IL17B: variants seen among roughly 807,000 people sequenced by gnomAD.
IL17B encodes interleukin-17B.
Under a neutral mutation model 14.7 loss-of-function variants are expected in IL17B, and 14 were observed. The ratio of observed to expected loss-of-function variants is 0.95; its 90% CI spans 0.63 to 1.49. The LOEUF (loss-of-function observed/expected upper bound fraction) is 1.49, where lower values mean the gene tolerates loss of function less well. IL17B is among the 40% of genes most tolerant of loss of function. The pLI, the probability that IL17B is intolerant of heterozygous loss-of-function variation, is 0.00. For synonymous variants in IL17B, 105 were observed against 94.8 expected, an observed-to-expected ratio of 1.11 and a Z score of -0.62; for missense variants, 233 against 252.8, an observed-to-expected ratio of 0.92 and a Z score of 0.53.
intron 1 of IL17B, among the ~76,000 whole-genome samples, chr5:149,385,056 G>T (rs1051849241): frequency 3.3e-5 from 5 of 151,824 alleles, no homozygotes; most frequent in African/African-American, 1.2e-4. Context: ...TAGGATTACA[G>T]GCATGCGCCA....
chr5:149,376,114 T>TC (rs1292979969), intron 2 of IL17B, among the ~76,000 whole-genome samples: 1 of 152,198 alleles, frequency 6.6e-6, no homozygotes, highest in Non-Finnish European at 1.5e-5. Context: ...TCATCTTTGG[T>TC]CCTTACTATG....
intron 1 of IL17B, among the ~76,000 whole-genome samples, chr5:149,394,941 A>G (rs353262): frequency 0.49 from 74,126 of 151,720 alleles, 18,350 homozygotes; most frequent in African/African-American, 0.53. Context: ...TTGTGTCACA[A>G]GGGTCTGGTG....
At chr5:149,388,805 ACAGAGT>A (rs1413543877) in intron 1 of IL17B, among the ~76,000 whole-genome samples, 1 of 152,222 alleles carries the variant, frequency 6.6e-6, no homozygotes, top group Non-Finnish European at 1.5e-5. Context: ...AAGTACAAAA[ACAGAGT>A]CAGAGGTCTG....
Position 149,376,772 on chromosome 5 carries a change from A to C in IL17B, c.275T>G (p.Met92Arg), listed in dbSNP as rs1246932825. ...GGGAGACAGGCTCCTCTTGTTGGAC[A>C]TCCACAGCTGCAAGTTGACCTCACA... Reference protein sequence around the residue: ...RKCEVNLQLWMSNKRSLSPWG... With the variant: ...RKCEVNLQLWRSNKRSLSPWG... Residue 92 changes from methionine to arginine, a missense_variant, in exon 2 of 3, where the codon ATG (methionine) becomes AGG (arginine). By Grantham distance (91) the Met-to-Arg change is moderately conservative (BLOSUM62 -1). Coordinates refer to ENST00000261796, the MANE Select transcript of IL17B (RefSeq NM_014443.3). 6.2e-7 allele frequency: 1 copy of C among 1,613,224 alleles called. No individual in the cohort carries two copies. The highest frequency in any genetic ancestry group is 1.7e-5 in the Admixed American group (1 of 59,934).
At chr5:149,394,788 C>T (rs1199183923) in intron 1 of IL17B, among the ~76,000 whole-genome samples, 1 of 152,136 alleles carries the variant, frequency 6.6e-6, no homozygotes, top group Non-Finnish European at 1.5e-5. Context: ...CACTCATTTC[C>T]TATGTGGCAC....
chr5:149,385,226 A>AGG (rs1266780803), intron 1 of IL17B, among the ~76,000 whole-genome samples: 2 of 151,926 alleles, frequency 1.3e-5, no homozygotes, highest in African/African-American at 2.4e-5. Flanking sequence ...GTGGTGGCGC[A>AGG]TGCCTGTAAT....
At chr5:149,382,193 C>T (rs1392390256), upstream of IL17B, among the ~76,000 whole-genome samples, 4 of 152,186 alleles carry the variant, frequency 2.6e-5, no homozygotes, top group Admixed American at 6.5e-5. Flanking sequence ...TGGGGCCCTG[C>T]GCCTGTGCCT....
Position 149,376,720 on chromosome 5 carries a change from C to T in IL17B, c.311+16G>A, listed in dbSNP as rs746127309. 1 of 1,587,052 alleles carries T rather than the reference C, an allele frequency of 6.3e-7. No individual in the cohort carries two copies. Among genetic ancestry groups the T allele is most frequent in the East Asian group, 2.2e-5 (1 of 44,694 alleles). The stretch of plus-strand genomic sequence containing the variant: ...CCCACCCCCCAAAGACAGCTTGCCA[C>T]CACTGCCCAGCCTACCTGTAGCCCC... On this transcript the variant is annotated intron_variant, in intron 2 of 2. Transcript: ENST00000261796.
rs777144026 is a variant in IL17B, at chr5:149,374,349, T to A, written c.*20A>T. ...GGAGGATGGTCTCGGGCTGCTGGCCTGGCTTCTGGGCCAGGTGATTCAGAA... is the reference window on the plus strand; with the variant it reads ...GGAGGATGGTCTCGGGCTGCTGGCCAGGCTTCTGGGCCAGGTGATTCAGAA... On this transcript the variant is annotated 3_prime_UTR_variant, in exon 3 of 3. Transcript: ENST00000261796. The surrounding 1 kb of genome is among the most constrained non-coding windows in gnomAD (Gnocchi z 5.0). 1.4e-5 allele frequency: 22 copies of A among 1,545,670 alleles called. No homozygotes were observed. Among genetic ancestry groups the A allele is most frequent in the Middle Eastern group, 3.4e-4 (2 of 5,860 alleles).
intron 1 of IL17B, among the ~76,000 whole-genome samples, chr5:149,388,199 GT>G (rs1758865742): frequency 6.6e-6 from 1 of 152,206 alleles, no homozygotes; most frequent in Admixed American, 6.5e-5. Flanking sequence ...GAATTCAGGG[GT>G]CAGGCTGACC....
At chr5:149,383,208 G>A (rs1758744863), upstream of IL17B, among the ~76,000 whole-genome samples, 1 of 152,248 alleles carries the variant, frequency 6.6e-6, no homozygotes, top group Non-Finnish European at 1.5e-5. Context: ...CCTGGCAAAA[G>A]TAAGTACCCC....
chr5:149,398,801 G>A (rs1282963337), intron 1 of IL17B, among the ~76,000 whole-genome samples: 1 of 152,194 alleles, frequency 6.6e-6, no homozygotes, highest in African/African-American at 2.4e-5. Context: ...AGCTACTCAG[G>A]AGGCTGAGGC....
intron 1 of IL17B, among the ~76,000 whole-genome samples, chr5:149,387,744 C>G (rs1758854297): frequency 1.4e-5 from 2 of 147,314 alleles, no homozygotes; most frequent in Non-Finnish European, 3.0e-5. Flanking sequence ...CCACAGCACT[C>G]CAGCCTGGGT....
intron 1 of IL17B, among the ~76,000 whole-genome samples, chr5:149,394,167 C>T (rs556766570): frequency 6.6e-6 from 1 of 152,228 alleles, no homozygotes; most frequent in South Asian, 2.1e-4. Flanking sequence ...TAATGACAGT[C>T]GCACGAGTGT....
intron 1 of IL17B, among the ~76,000 whole-genome samples, chr5:149,390,589 A>ACG (rs1758924788): frequency 2.5e-5 from 1 of 39,848 alleles, no homozygotes; most frequent in Non-Finnish European, 5.7e-5. Flanking sequence ...CTGAGTTAGC[A>ACG]CACACACACA....
upstream of IL17B, among the ~76,000 whole-genome samples, chr5:149,383,326 G>A (rs1337536070): frequency 6.6e-6 from 1 of 152,240 alleles, no homozygotes; most frequent in East Asian, 1.9e-4. Context: ...TACGAAGTGG[G>A]GACAAGGCTA....
At chr5:149,395,220 G>A (rs1049785178) in intron 1 of IL17B, among the ~76,000 whole-genome samples, 1 of 152,096 alleles carries the variant, frequency 6.6e-6, no homozygotes, top group African/African-American at 2.4e-5. Flanking sequence ...TGGCTGCATA[G>A]TATTCCATGG....
chr5:149,385,391 G>T (rs187184820), intron 1 of IL17B, among the ~76,000 whole-genome samples: 1 of 152,102 alleles, frequency 6.6e-6, no homozygotes, highest in Non-Finnish European at 1.5e-5. Context: ...CTCATGATCC[G>T]CCTCAGCCTC....
At chr5:149,378,326 C>CA (rs1324300135) in intron 1 of IL17B, among the ~76,000 whole-genome samples, 1 of 152,040 alleles carries the variant, frequency 6.6e-6, no homozygotes, top group Non-Finnish European at 1.5e-5. Context: ...GCCCTCCTCA[C>CA]ACACACACAC....
Sources: allele counts gnomAD v4.1 joint callset (sites outside exome capture counted in the v4.1 genomes callset), GRCh38; gene constraint gnomAD v4.1.1; non-coding constraint Gnocchi (gnomAD v3.1); transcripts MANE v1.5; gene names NCBI Gene and HGNC (gene_info 2026-07-23, HGNC 2026-07-21).